The following PKD1L1 variants were observed in gnomAD, a reference collection of about 807,000 sequenced individuals.
The protein encoded by PKD1L1 is polycystin-1-like protein 1.
A neutral mutation model predicts 323.4 loss-of-function variants in PKD1L1; 236 were observed. The ratio of observed to expected loss-of-function variants is 0.73; its 90% CI spans 0.66 to 0.81. The LOEUF is 0.81. Among genes scored for constraint, PKD1L1 ranks in the 40% least tolerant of loss-of-function variants. The pLI, the probability that PKD1L1 is intolerant of heterozygous loss-of-function variation, is 0.00. For synonymous variants in PKD1L1, 1,344 were observed against 1,335.0 expected, an observed-to-expected ratio of 1.01 and a Z score of -0.15; for missense variants, 3,320 against 3,508.0, an observed-to-expected ratio of 0.95 and a Z score of 1.35.
chr7:47,781,290 T>C (rs575554525), intron 56 of PKD1L1, among the ~76,000 whole-genome samples: 1 of 152,276 alleles, frequency 6.6e-6, no homozygotes, highest in Non-Finnish European at 1.5e-5. Flanking sequence ...ATATTGTAGA[T>C]ACTAGTTCTT....
intron 17 of PKD1L1, 98 bp from the exon 18 acceptor site, chr7:47,886,152 C>A (rs1786680123): frequency 1.4e-6 from 2 of 1,438,330 alleles, no homozygotes; most frequent in Non-Finnish European, 1.8e-6. Context: ...ATATTATAAA[C>A]AAATCTGTTG....
intron 16 of PKD1L1, among the ~76,000 whole-genome samples, chr7:47,890,035 C>T (rs568229207): frequency 2.0e-5 from 3 of 152,378 alleles, no homozygotes; most frequent in Admixed American, 2.0e-4. Context: ...GTTCTGGCCT[C>T]AGCGCTACAG....
At chr7:47,876,592 G>A (rs1209574482) in intron 22 of PKD1L1, among the ~76,000 whole-genome samples, 1 of 152,086 alleles carries the variant, frequency 6.6e-6, no homozygotes, top group Non-Finnish European at 1.5e-5. Flanking sequence ...AGGAGGGAGG[G>A]GTCGGGGTGC....
intron 24 of PKD1L1, among the ~76,000 whole-genome samples, chr7:47,873,015 A>T (rs964704706): frequency 3.3e-5 from 5 of 152,246 alleles, no homozygotes; most frequent in South Asian, 2.1e-4. Flanking sequence ...ATTTTGCTAC[A>T]TAGATGAAAC....
In PKD1L1 at chr7:47,919,531, T is replaced by A. The variant is rs568783789; in HGVS notation, c.1061-3932A>T. On this transcript the variant is annotated intron_variant, in intron 7 of 56. Transcript: ENST00000289672. Reference sequence around the variant, plus strand: ...TCCCTAAATCATTTTATGAAGCCAGTATCACCTTAATACCAAAACCAGGAA... The same window carrying A: ...TCCCTAAATCATTTTATGAAGCCAGAATCACCTTAATACCAAAACCAGGAA... Among the ~76,000 whole-genome samples, 12 of 152,186 alleles carry A rather than the reference T, an allele frequency of 7.9e-5. 1 individual carries two copies. In the South Asian group the frequency reaches 2.3e-3, roughly 29 times the overall value.
chr7:47,788,742 C>A (rs897412817), intron 56 of PKD1L1, among the ~76,000 whole-genome samples: 1 of 151,462 alleles, frequency 6.6e-6, no homozygotes, highest in South Asian at 2.1e-4. Context: ...AATACAGGTG[C>A]CCGCCACCAC....
intron 13 of PKD1L1, 90 bp downstream of exon 13, chr7:47,902,289 C>T: frequency 5.3e-6 from 8 of 1,506,628 alleles, no homozygotes; most frequent in South Asian, 1.3e-5. Flanking sequence ...TCGCTTCATG[C>T]CCCAAACTCT....
In PKD1L1 at chr7:47,932,064, G is replaced by C. The variant is rs937813590; in HGVS notation, c.399-8C>G. On this transcript the variant is annotated splice_region_variant and splice_polypyrimidine_tract_variant and intron_variant, in intron 4 of 56. Coordinates refer to ENST00000289672, the MANE Select transcript of PKD1L1 (RefSeq NM_138295.5). Reference sequence around the variant, plus strand: ...AAAGGTTTGTGGGGAATTCTGTATGGGAAGGAAAGTGCAGAAAGAAAAGGA... The same window carrying C: ...AAAGGTTTGTGGGGAATTCTGTATGCGAAGGAAAGTGCAGAAAGAAAAGGA... The C allele has an allele frequency of 5.6e-6, 9 of 1,599,028 alleles. No individual in the cohort carries two copies. Among genetic ancestry groups the C allele is most frequent in the African/African-American group, 1.3e-5 (1 of 74,144 alleles).
intron 14 of PKD1L1, 141 bp downstream of exon 14, chr7:47,897,847 A>G (rs1261832167): frequency 3.2e-6 from 2 of 632,768 alleles, no homozygotes; most frequent in Non-Finnish European, 5.2e-6. Context: ...TTAAAATCCA[A>G]TGCAGATTTT....
chr7:47,942,424 C>T (rs1788006106), intron 2 of PKD1L1, among the ~76,000 whole-genome samples: 1 of 152,008 alleles, frequency 6.6e-6, no homozygotes, highest in Admixed American at 6.6e-5. Context: ...CAGGCACACA[C>T]CCGCCTCCTG....
chr7:47,804,880 T>C (rs6944862), intron 52 of PKD1L1, among the ~76,000 whole-genome samples: 2,025 of 152,280 alleles, frequency 0.013, 42 homozygotes, highest in African/African-American at 0.046. Context: ...AAGTTCTCAA[T>C]AGCCATGTGT....
intron 54 of PKD1L1, among the ~76,000 whole-genome samples, chr7:47,799,593 A>C (rs1431270119): frequency 1.3e-5 from 2 of 152,232 alleles, no homozygotes; most frequent in African/African-American, 4.8e-5. Flanking sequence ...GGGTGCAATG[A>C]GGAGGCATGC....
At chr7:47,909,597 C>T (rs1787276548) in intron 8 of PKD1L1, among the ~76,000 whole-genome samples, 2 of 152,208 alleles carry the variant, frequency 1.3e-5, no homozygotes, top group Admixed American at 1.3e-4. Flanking sequence ...TGTCCTCAAA[C>T]CTCATCACAG....
At chr7:47,800,384 A>T (rs896769780) in intron 54 of PKD1L1, among the ~76,000 whole-genome samples, 2 of 152,156 alleles carry the variant, frequency 1.3e-5, no homozygotes, top group Non-Finnish European at 2.9e-5. Flanking sequence ...GTGCAGAGTG[A>T]GGGGGGCCAG....
At chr7:47,780,134 A>G (rs1171110909) in intron 56 of PKD1L1, among the ~76,000 whole-genome samples, 1 of 152,158 alleles carries the variant, frequency 6.6e-6, no homozygotes, top group Non-Finnish European at 1.5e-5. Flanking sequence ...CAATGGTCAC[A>G]TCTTGCAAAA....
chr7:47,904,178 C>A (rs1787149177), intron 12 of PKD1L1, among the ~76,000 whole-genome samples, 200 bp downstream of exon 12: 1 of 152,196 alleles, frequency 6.6e-6, no homozygotes, highest in Admixed American at 6.5e-5. Context: ...GTACTGAAAG[C>A]ATCTCTTTCC....
Position 47,815,460 on chromosome 7 carries a change from T to C in PKD1L1, c.6966-3A>G. ...CACCCAAGCAGTTTCTGGCATTTCT[T>C]AATGCAAGAACAAAAATAAAAAGTT... On this transcript the variant is annotated splice_region_variant and splice_polypyrimidine_tract_variant and intron_variant, in intron 46 of 56. Coordinates refer to ENST00000289672, the MANE Select transcript of PKD1L1 (RefSeq NM_138295.5). The C allele has an allele frequency of 1.2e-6, 2 of 1,611,650 alleles. No homozygotes were observed. The highest frequency in any genetic ancestry group is 1.7e-6 in the Non-Finnish European group (2 of 1,179,182).
chr7:47,888,015 A>G lies in PKD1L1; in HGVS notation c.2811T>C (p.Asn937=). ...CTTCTATCCTATTCTTTTCTGTTGC[A>G]TTGACTAAAAAGAGATCCCAGGAAT... ...LSYSWDLFLV[N]ATEKNRIEVP... Residue 937 remains asparagine (N), a synonymous_variant, in exon 17 of 57, where the codon AAT becomes AAC. Transcript: ENST00000289672. The G allele has an allele frequency of 5.0e-6, 8 of 1,613,694 alleles. No homozygotes were observed. The highest frequency in any genetic ancestry group is 5.1e-6 in the Non-Finnish European group (6 of 1,179,684).
intron 17 of PKD1L1, 83 bp from the exon 18 acceptor site, chr7:47,886,137 A>G: frequency 6.8e-7 from 1 of 1,477,176 alleles, no homozygotes; most frequent in East Asian, 2.3e-5. Flanking sequence ...CTATGTAAGG[A>G]TGCTATATTA....
Sources: allele counts gnomAD v4.1 joint callset (sites outside exome capture counted in the v4.1 genomes callset), GRCh38; gene constraint gnomAD v4.1.1; transcripts MANE v1.5; gene names NCBI Gene and HGNC (gene_info 2026-07-23, HGNC 2026-07-21).